The following SAMD5 variants were observed in gnomAD, a reference collection of about 807,000 sequenced individuals.
SAMD5 encodes the protein sterile alpha motif domain-containing protein 5.
Under a neutral mutation model 11.3 loss-of-function variants are expected in SAMD5, and 13 were observed. The ratio of observed to expected loss-of-function variants is 1.15; its 90% CI spans 0.75 to 1.83. The LOEUF is 1.83. SAMD5 is among the 40% of genes most tolerant of loss of function. The pLI, the probability that SAMD5 is intolerant of heterozygous loss-of-function variation, is 0.00. For missense variants in SAMD5, 255 were observed against 239.1 expected (o/e 1.07, Z -0.44); for synonymous variants, 129 against 111.3 (o/e 1.16, Z -1.00).
At chr6:147,713,572 T>G (rs757278578) in intron 1 of SAMD5, among the ~76,000 whole-genome samples, 8 of 152,144 alleles carry the variant, frequency 5.3e-5, no homozygotes, top group Non-Finnish European at 1.2e-4. Context: ...TGAAATCTCA[T>G]GCATAAGCTG....
downstream of SAMD5, among the ~76,000 whole-genome samples, chr6:147,572,815 A>G (rs549380047): frequency 6.6e-6 from 1 of 152,276 alleles, no homozygotes; most frequent in South Asian, 2.1e-4. Context: ...CACAAACCCT[A>G]ATTTCCCTCT....
chr6:147,803,639 T>A, the SAMD5 span, among the ~76,000 whole-genome samples: 1 of 152,352 alleles, frequency 6.6e-6, no homozygotes, highest in East Asian at 1.9e-4. Context: ...AACAGCCTTG[T>A]GCAGTGAGTA....
chr6:147,747,060 G>A, the SAMD5 span, among the ~76,000 whole-genome samples: 18 of 152,318 alleles, frequency 1.2e-4, no homozygotes, highest in South Asian at 3.7e-3. Flanking sequence ...CTGGGTACCA[G>A]TGTTTTAGAG....
the SAMD5 span, among the ~76,000 whole-genome samples, chr6:147,826,015 A>G: frequency 1.3e-5 from 2 of 152,206 alleles, no homozygotes; most frequent in African/African-American, 4.8e-5. Flanking sequence ...CAAAAATGTT[A>G]CCATGGGAAC....
chr6:147,663,725 GA>G (rs1790677264), intron 1 of SAMD5, among the ~76,000 whole-genome samples: 1 of 148,478 alleles, frequency 6.7e-6, no homozygotes, highest in African/African-American at 2.5e-5. Flanking sequence ...CCGGGGGGCA[GA>G]GGTTGCAGTG....
intron 1 of SAMD5, among the ~76,000 whole-genome samples, chr6:147,728,880 TA>T (rs1791667306): frequency 6.6e-6 from 1 of 152,244 alleles, no homozygotes. Flanking sequence ...GTGGCTTCTG[TA>T]TCTATTTAAT....
chr6:147,762,549 T>C, the SAMD5 span, among the ~76,000 whole-genome samples: 1 of 152,196 alleles, frequency 6.6e-6, no homozygotes, highest in East Asian at 1.9e-4. Flanking sequence ...TTTAATATGA[T>C]TTCCTTAATT....
the SAMD5 span, among the ~76,000 whole-genome samples, chr6:147,808,840 T>C: frequency 6.6e-6 from 1 of 152,178 alleles, no homozygotes; most frequent in African/African-American, 2.4e-5. Context: ...GCTGTGGATA[T>C]GAGGGCAGCG....
intron 1 of SAMD5, among the ~76,000 whole-genome samples, chr6:147,546,530 C>CAAAAAAAAAAAAA (rs752623961): frequency 3.6e-5 from 4 of 112,168 alleles, no homozygotes; most frequent in African/African-American, 3.6e-5. Context: ...AACTCTGTCT[C>CAAAAAAAAAAAAA]AAAAAAAAAA....
chr6:147,861,435 G>A, the SAMD5 span, among the ~76,000 whole-genome samples: 1 of 151,984 alleles, frequency 6.6e-6, no homozygotes, highest in African/African-American at 2.4e-5. Context: ...CAAAGTGCTG[G>A]GATTACAGGT....
chr6:147,527,107 A>G (rs1788354765), intron 1 of SAMD5, among the ~76,000 whole-genome samples: 1 of 152,218 alleles, frequency 6.6e-6, no homozygotes, highest in African/African-American at 2.4e-5. Flanking sequence ...ACATTGCTTC[A>G]GTGATAATCA....
the SAMD5 span, among the ~76,000 whole-genome samples, chr6:147,764,132 G>A: frequency 1.3e-5 from 2 of 152,206 alleles, no homozygotes; most frequent in African/African-American, 2.4e-5. Context: ...AAGTAGGAGC[G>A]TATTTCATAA....
At chr6:147,609,747 AG>A (rs1322621055) in intron 1 of SAMD5, among the ~76,000 whole-genome samples, 1 of 152,048 alleles carries the variant, frequency 6.6e-6, no homozygotes, top group African/African-American at 2.4e-5. Context: ...TAGTAGAAAC[AG>A]GGTTTCACCA....
At chr6:147,899,981 A>T in the SAMD5 span, among the ~76,000 whole-genome samples, 1 of 152,232 alleles carries the variant, frequency 6.6e-6, no homozygotes, top group Non-Finnish European at 1.5e-5. Flanking sequence ...AGAAGGAAGA[A>T]GGGAAGCAAG....
At chr6:147,746,280 A>G in the SAMD5 span, among the ~76,000 whole-genome samples, 1 of 152,004 alleles carries the variant, frequency 6.6e-6, no homozygotes, top group African/African-American at 2.4e-5. Context: ...GAAAAATTTG[A>G]AGCTGTCTCC....
chr6:147,909,614 T>TTCTCTCTCTCTCTCTCTCTCTC, the SAMD5 span, among the ~76,000 whole-genome samples: 1 of 77,302 alleles, frequency 1.3e-5, no homozygotes, highest in African/African-American at 8.1e-5. Flanking sequence ...CTTTCTTTCT[T>TTCTCTCTCTCTCTCTCTCTCTC]TCTTTCTTTC....
the SAMD5 span, among the ~76,000 whole-genome samples, chr6:147,926,068 G>T: frequency 6.6e-6 from 1 of 152,046 alleles, no homozygotes; most frequent in African/African-American, 2.4e-5. Context: ...GTACCACATT[G>T]TCTTCATCCA....
chr6:147,916,187 A>G, the SAMD5 span, among the ~76,000 whole-genome samples: 1 of 152,116 alleles, frequency 6.6e-6, no homozygotes, highest in South Asian at 2.1e-4. Context: ...AGTCTTTGCT[A>G]TTGTGAATAG....
At chr6:147,903,076 AT>A in the SAMD5 span, among the ~76,000 whole-genome samples, 1 of 152,182 alleles carries the variant, frequency 6.6e-6, no homozygotes. Context: ...AGTGTTAATT[AT>A]TTCCTCTATG....
Sources: allele counts gnomAD v4.1 joint callset (sites outside exome capture counted in the v4.1 genomes callset), GRCh38; gene constraint gnomAD v4.1.1; transcripts MANE v1.5; gene names NCBI Gene and HGNC (gene_info 2026-07-23, HGNC 2026-07-21).